PUS7: variants seen among roughly 807,000 people sequenced by gnomAD.
PUS7 encodes the protein pseudouridylate synthase 7 homolog.
A neutral mutation model predicts 79.8 loss-of-function variants in PUS7; 48 were observed. That is an observed-to-expected ratio of 0.60 (90% confidence interval 0.48 to 0.76). The LOEUF is 0.76. PUS7 is among the 30% of genes least tolerant of loss of function. The pLI is 0.00. For missense variants in PUS7, 729 were observed against 797.6 expected, an observed-to-expected ratio of 0.91 and a Z score of 1.04; for synonymous variants, 286 against 272.2, an observed-to-expected ratio of 1.05 and a Z score of -0.50.
chr7:105,490,827 G>C (rs1273781179), intron 7 of PUS7, among the ~76,000 whole-genome samples: 1 of 152,148 alleles, frequency 6.6e-6, no homozygotes, highest in Non-Finnish European at 1.5e-5. Context: ...GGGCAATTCT[G>C]GCCTCAGGGA....
At chr7:105,497,488 G>A (rs997271089) in intron 5 of PUS7, among the ~76,000 whole-genome samples, 3 of 152,090 alleles carry the variant, frequency 2.0e-5, no homozygotes, top group Non-Finnish European at 4.4e-5. Context: ...AAACAGCTAA[G>A]TTCTTTATAG....
chr7:105,465,100 G>A lies in PUS7; in HGVS notation c.1627+213C>T, dbSNP rs558927852. On this transcript the variant is annotated intron_variant, in intron 13 of 15. Transcript: ENST00000469408. ...TCCCAAAATGTTGGGATTGATTATA[G>A]GCGTGAGCCACCGTGCCTGACCTAT... Among the ~76,000 whole-genome samples the A allele has an allele frequency of 2.6e-3, 403 of 152,098 alleles. 1 individual carries two copies. Among genetic ancestry groups the A allele is most frequent in the Non-Finnish European group, 4.5e-3 (306 of 67,990 alleles).
rs150122120 is a variant in PUS7, at chr7:105,494,795, T to C, written c.842+347A>G. On this transcript the variant is annotated intron_variant, in intron 6 of 15. Coordinates refer to ENST00000469408, the MANE Select transcript of PUS7 (RefSeq NM_019042.5). ...GAGTTCGAGACCAGCCTGGGCAATA[T>C]AGTGAGACTCTGTCTCTAAAACCTA... Among the ~76,000 whole-genome samples, 1,451 of 151,806 alleles carry C rather than the reference T, an allele frequency of 9.6e-3. 15 individuals are homozygous for C. Among genetic ancestry groups the C allele is most frequent in the African/African-American group, 0.034 (1,399 of 41,388 alleles).
intron 1 of PUS7, among the ~76,000 whole-genome samples, chr7:105,510,213 T>A (rs924269591): frequency 6.6e-6 from 1 of 151,854 alleles, no homozygotes; most frequent in Non-Finnish European, 1.5e-5. Flanking sequence ...GGAAGGAGAA[T>A]CACTTGAAAC....
At chr7:105,503,645 T>TA (rs1825342929) in intron 4 of PUS7, among the ~76,000 whole-genome samples, 1 of 152,188 alleles carries the variant, frequency 6.6e-6, no homozygotes, top group African/African-American at 2.4e-5. Context: ...ATTATATATA[T>TA]TTTTTGAGAT....
At chr7:105,512,632 G>T (rs1343425605) in intron 1 of PUS7, among the ~76,000 whole-genome samples, 2 of 152,196 alleles carry the variant, frequency 1.3e-5, no homozygotes, top group East Asian at 3.8e-4. Context: ...CACTGTGGGG[G>T]TTAGACATAC....
chr7:105,502,498 A>C lies in PUS7; in HGVS notation c.652T>G (p.Leu218Val), dbSNP rs1398449273. 1 of 1,614,020 alleles carries C rather than the reference A, an allele frequency of 6.2e-7. No individual in the cohort carries two copies. Among genetic ancestry groups the C allele is most frequent in the South Asian group, 1.1e-5 (1 of 91,080 alleles). ...HQAIKSLFPG[L>V]ETKTEDREGK... is the part of the protein sequence containing the mutation. ...TCCCTATCCTCTGTTTTTGTCTCTA[A>C]TCCTGGAAACAGAGATTTGATAGCC... Residue 218 changes from leucine (L) to valine (V), a missense_variant, in exon 5 of 16, where the codon TTA becomes GTA. Leu to Val is a conservative substitution (Grantham distance 32, BLOSUM62 1). Transcript: ENST00000469408.
chr7:105,519,104 A>G (rs55740553), intron 1 of PUS7, among the ~76,000 whole-genome samples: 20,889 of 152,056 alleles, frequency 0.14, 1,860 homozygotes, highest in South Asian at 0.26. Context: ...CTATCATATT[A>G]TATTTCAAAA....
At chr7:105,469,564 A>T (rs1054606869) in intron 11 of PUS7, among the ~76,000 whole-genome samples, 11 of 152,142 alleles carry the variant, frequency 7.2e-5, no homozygotes, top group African/African-American at 2.7e-4. Flanking sequence ...GGTTCAAGCG[A>T]TTCTCCTGCC....
chr7:105,491,439 A>C, intron 7 of PUS7, 101 bp downstream of exon 7: 1 of 653,362 alleles, frequency 1.5e-6, no homozygotes, highest in East Asian at 3.0e-5. Context: ...CAGAAGCACC[A>C]TCTAAAGCTG....
intron 10 of PUS7, among the ~76,000 whole-genome samples, chr7:105,471,565 A>C (rs1304611871): frequency 6.6e-6 from 1 of 152,250 alleles, no homozygotes; most frequent in Non-Finnish European, 1.5e-5. Context: ...TAATCCTAAC[A>C]TTCTGGGAGG....
intron 2 of PUS7, 62 bp from the exon 3 acceptor site, chr7:105,506,335 TAA>T: frequency 8.1e-7 from 1 of 1,234,412 alleles, no homozygotes; most frequent in Non-Finnish European, 1.2e-6. Flanking sequence ...AATTTTAAGA[TAA>T]AGTTGATCAA....
In PUS7 at chr7:105,508,475, C is replaced by T. The variant is rs764804002; in HGVS notation, c.38G>A (p.Arg13His). Residue 13 changes from arginine (R) to histidine (H), a missense_variant, in exon 2 of 16, where the codon CGT becomes CAT. Arg to His is a conservative substitution (Grantham distance 29, BLOSUM62 0). Transcript: ENST00000469408. ...ATTATCTTCGACAACCAGTGCCCCA[C>T]GTTTCAGCGACACACCAGTCATTTC... is the stretch of plus-strand genomic sequence containing the variant. ...MTEMTGVSLKRGALVVEDNDS... is the reference protein window; with the variant it reads ...MTEMTGVSLKHGALVVEDNDS... The T allele has an allele frequency of 1.7e-5, 27 of 1,613,884 alleles. No homozygotes were observed. The highest frequency in any genetic ancestry group is 6.7e-5 in the East Asian group (3 of 44,904).
intron 1 of PUS7, among the ~76,000 whole-genome samples, chr7:105,515,786 TTTTATTTTA>T (rs1401420541): frequency 9.5e-4 from 55 of 58,182 alleles, no homozygotes; most frequent in East Asian, 3.6e-3. Flanking sequence ...TTGTATTTTA[TTTTATTTTA>T]TTTATTTATT....
At chr7:105,481,011 T>A in intron 9 of PUS7, 41 bp downstream of exon 9, 1 of 1,590,088 alleles carries the variant, frequency 6.3e-7, no homozygotes, top group South Asian at 1.1e-5. Flanking sequence ...CTGCTTTGTT[T>A]ATGAGAAAGC....
intron 2 of PUS7, 90 bp from the exon 3 acceptor site, chr7:105,506,363 T>C: frequency 2.2e-6 from 2 of 892,672 alleles, no homozygotes; most frequent in South Asian, 1.6e-5. Flanking sequence ...AGCCTTACTA[T>C]TATGCAAAAC....
At chr7:105,489,358 C>T (rs531265110) in intron 7 of PUS7, among the ~76,000 whole-genome samples, 1 of 152,024 alleles carries the variant, frequency 6.6e-6, no homozygotes, top group East Asian at 1.9e-4. Context: ...AACCCCTGTC[C>T]CCCTACCCCC....
intron 7 of PUS7, among the ~76,000 whole-genome samples, chr7:105,486,147 G>A (rs182133877): frequency 1.3e-5 from 2 of 152,014 alleles, no homozygotes; most frequent in African/African-American, 4.8e-5. Flanking sequence ...TGCCTCTTGG[G>A]TTCAAGCAAT....
At chr7:105,494,278 T>C (rs578154819) in intron 6 of PUS7, among the ~76,000 whole-genome samples, 1 of 152,326 alleles carries the variant, frequency 6.6e-6, no homozygotes, top group South Asian at 2.1e-4. Context: ...TCTTGAATTA[T>C]TGGCACTACG....
Sources: gnomAD v4.1 joint callset for allele counts (sites outside exome capture counted in the v4.1 genomes callset) on GRCh38, gnomAD v4.1.1 for gene constraint, MANE v1.5 for transcripts, NCBI Gene and HGNC (gene_info 2026-07-23, HGNC 2026-07-21) for gene names.